The following CCDC192 variants were observed in gnomAD, a reference collection of about 807,000 sequenced individuals.
CCDC192 encodes coiled-coil domain-containing protein 192.
At chr5:127,732,407 A>C (rs1352920611) in intron 2 of CCDC192, among the ~76,000 whole-genome samples, 2 of 152,242 alleles carry the variant, frequency 1.3e-5, no homozygotes, top group Non-Finnish European at 2.9e-5. Flanking sequence ...AATGTAAATT[A>C]GTTCAACCAT....
intron 3 of CCDC192, among the ~76,000 whole-genome samples, chr5:127,773,680 T>C (rs1016994856): frequency 1.3e-5 from 2 of 152,236 alleles, no homozygotes; most frequent in Non-Finnish European, 2.9e-5. Context: ...CACTCATCTG[T>C]TGATGGACAT....
chr5:127,729,929 T>A (rs1168734131), intron 2 of CCDC192, among the ~76,000 whole-genome samples: 2 of 151,930 alleles, frequency 1.3e-5, no homozygotes, highest in East Asian at 3.9e-4. Context: ...TAGAAAGATC[T>A]CAAATCGACA....
chr5:127,871,645 T>C (rs142622114), intron 5 of CCDC192, among the ~76,000 whole-genome samples: 1 of 152,292 alleles, frequency 6.6e-6, no homozygotes, highest in African/African-American at 2.4e-5. Flanking sequence ...ATTGCCACGG[T>C]TTAAAGTATG....
At chr5:127,860,496 T>A (rs13358633) in intron 5 of CCDC192, among the ~76,000 whole-genome samples, 1 of 152,208 alleles carries the variant, frequency 6.6e-6, no homozygotes, top group Non-Finnish European at 1.5e-5. Context: ...AAATGCCCAC[T>A]TGACATTCCC....
intron 6 of CCDC192, among the ~76,000 whole-genome samples, chr5:127,923,907 CAA>C (rs1753801426): frequency 6.6e-6 from 1 of 152,186 alleles, no homozygotes. Context: ...AAAGGAGAAA[CAA>C]AAGAATCCCA....
intron 2 of CCDC192, among the ~76,000 whole-genome samples, chr5:127,727,228 T>C (rs1191665462): frequency 6.6e-6 from 1 of 152,024 alleles, no homozygotes; most frequent in Non-Finnish European, 1.5e-5. Flanking sequence ...TCCCAACACT[T>C]TGGGAGGCCA....
intron 3 of CCDC192, among the ~76,000 whole-genome samples, chr5:127,792,333 G>A (rs993204112): frequency 1.3e-5 from 2 of 152,078 alleles, no homozygotes; most frequent in Non-Finnish European, 2.9e-5. Context: ...CCAAGCAAAA[G>A]GGGAGAAAGT....
chr5:127,939,669 G>A (rs1168887946), intron 6 of CCDC192, among the ~76,000 whole-genome samples: 1 of 144,432 alleles, frequency 6.9e-6, no homozygotes, highest in Non-Finnish European at 1.5e-5. Flanking sequence ...TATTTGTTGA[G>A]AAACGGGTTA....
In CCDC192 at chr5:127,754,355, G is replaced by C. The variant is rs772058595; in HGVS notation, c.202G>C (p.Ala68Pro). The change falls in exon 3 of 7, where the codon GCT (alanine) becomes CCT (proline). Residue 68 changes from alanine (A) to proline (P), a missense_variant. Physicochemically the swap from Ala to Pro is conservative, Grantham distance 27 (BLOSUM62 -1). Transcript: ENST00000514853. ...TTGCCTGAAAGAAGCAGAAGAAAAG[G>C]CTAAAGCTTTATCTGAACAGGTAAC... ...EICLKEAEEKAKALSEQLSVS... is the reference protein window; with the variant it reads ...EICLKEAEEKPKALSEQLSVS... The C allele has an allele frequency of 2.8e-5, 11 of 398,700 alleles. No individual in the cohort carries two copies. Among genetic ancestry groups the C allele is most frequent in the Non-Finnish European group, 4.9e-5 (11 of 226,026 alleles). The allele number at this position is 398,700 out of a possible 1,614,324, so 24.7% of individuals were successfully genotyped here.
chr5:127,703,754 T>C (rs1028220810), intron 1 of CCDC192, among the ~76,000 whole-genome samples: 1 of 152,168 alleles, frequency 6.6e-6, no homozygotes, highest in African/African-American at 2.4e-5. Context: ...TGTCCCTTAC[T>C]TGGTCTTCTA....
intron 2 of CCDC192, among the ~76,000 whole-genome samples, chr5:127,713,271 G>A (rs1304324087): frequency 6.6e-6 from 1 of 151,834 alleles, no homozygotes; most frequent in African/African-American, 2.4e-5. Context: ...AATAGGCTTA[G>A]TTATAACTCA....
chr5:127,915,059 C>T (rs1753480086), intron 6 of CCDC192, among the ~76,000 whole-genome samples: 1 of 152,068 alleles, frequency 6.6e-6, no homozygotes, highest in African/African-American at 2.4e-5. Context: ...ATAATACAGG[C>T]ATAACTCAGA....
intron 6 of CCDC192, among the ~76,000 whole-genome samples, chr5:127,902,933 G>C (rs764015864): frequency 2.0e-5 from 3 of 152,152 alleles, no homozygotes; most frequent in Non-Finnish European, 2.9e-5. Context: ...GTGGTTGCAA[G>C]TGTCAGGAAC....
intron 2 of CCDC192, among the ~76,000 whole-genome samples, chr5:127,731,792 C>T (rs1203663850): frequency 2.6e-5 from 4 of 152,168 alleles, no homozygotes; most frequent in African/African-American, 7.2e-5. Flanking sequence ...TGCTGGAGAA[C>T]TGGCTAGCCA....
chr5:127,832,605 G>A (rs931134980), intron 5 of CCDC192, among the ~76,000 whole-genome samples: 2 of 152,074 alleles, frequency 1.3e-5, no homozygotes, highest in African/African-American at 4.8e-5. Flanking sequence ...GATTGCCTCT[G>A]GGGGGAATAA....
intron 5 of CCDC192, among the ~76,000 whole-genome samples, chr5:127,840,406 G>T (rs1750229238): frequency 6.6e-6 from 1 of 152,102 alleles, no homozygotes; most frequent in African/African-American, 2.4e-5. Flanking sequence ...CATGGGTGGA[G>T]TAGAAATAAA....
intron 3 of CCDC192, among the ~76,000 whole-genome samples, chr5:127,759,313 C>G (rs1328159574): frequency 6.6e-6 from 1 of 152,166 alleles, no homozygotes; most frequent in Non-Finnish European, 1.5e-5. Flanking sequence ...GAAACCTAAT[C>G]CACAATATGA....
intron 3 of CCDC192, among the ~76,000 whole-genome samples, chr5:127,792,880 A>T (rs1343747420): frequency 6.6e-6 from 1 of 152,126 alleles, no homozygotes; most frequent in Non-Finnish European, 1.5e-5. Flanking sequence ...TGGAGTTGAA[A>T]AGCACAATGG....
At chr5:127,763,202 T>G (rs1162632658) in intron 3 of CCDC192, among the ~76,000 whole-genome samples, 2 of 152,172 alleles carry the variant, frequency 1.3e-5, no homozygotes, top group Admixed American at 6.5e-5. Context: ...CACAGACAAC[T>G]CAAGCTCTCC....
Sources: allele counts gnomAD v4.1 joint callset (sites outside exome capture counted in the v4.1 genomes callset), GRCh38; gene constraint gnomAD v4.1.1; transcripts MANE v1.5; gene names NCBI Gene and HGNC (gene_info 2026-07-23, HGNC 2026-07-21).